The following GPC6 variants were observed in gnomAD, a reference collection of about 807,000 sequenced individuals.
GPC6 encodes glypican-6.
GPC6 carries 14 observed loss-of-function variants against 55.2 expected under a neutral mutation model. The observed-to-expected ratio is 0.25, with a 90% confidence interval of 0.17 to 0.40. GPC6 has a LOEUF of 0.40. Among genes scored for constraint, GPC6 ranks in the 10% least tolerant of loss-of-function variants. The pLI, the probability that GPC6 is intolerant of heterozygous loss-of-function variation, is 1.00. For missense variants in GPC6, 641 were observed against 708.5 expected, an observed-to-expected ratio of 0.90 and a Z score of 1.08; for synonymous variants, 278 against 259.6, an observed-to-expected ratio of 1.07 and a Z score of -0.68.
chr13:93,604,551 A>G (rs1268534120), intron 2 of GPC6, among the ~76,000 whole-genome samples: 1 of 152,176 alleles, frequency 6.6e-6, no homozygotes, highest in African/African-American at 2.4e-5. Context: ...ATGCAAATAT[A>G]CAGTGAGGTA....
chr13:93,247,612 T>C (rs187290702), intron 1 of GPC6, among the ~76,000 whole-genome samples: 6 of 152,296 alleles, frequency 3.9e-5, no homozygotes, highest in South Asian at 4.1e-4. Flanking sequence ...CCAATCTTTT[T>C]ATATGACCGC....
chr13:93,910,882 C>T (rs183293906), intron 3 of GPC6, among the ~76,000 whole-genome samples: 135 of 152,258 alleles, frequency 8.9e-4, no homozygotes, highest in African/African-American at 3.2e-3. Flanking sequence ...CTCAAAGGAA[C>T]CCCCATAGTA....
intron 1 of GPC6, among the ~76,000 whole-genome samples, chr13:93,390,942 C>G (rs1403303490): frequency 6.6e-6 from 1 of 151,882 alleles, no homozygotes; most frequent in African/African-American, 2.4e-5. Flanking sequence ...TTCTCTTGGT[C>G]TCCTCCTTGA....
At chr13:93,816,222 T>C (rs571650987) in intron 2 of GPC6, among the ~76,000 whole-genome samples, 1 of 152,228 alleles carries the variant, frequency 6.6e-6, no homozygotes, top group African/African-American at 2.4e-5. Context: ...AAATCCTTTC[T>C]CTGCCAAGAA....
At chr13:94,026,497 C>A (rs1882899730) in intron 3 of GPC6, among the ~76,000 whole-genome samples, 1 of 151,714 alleles carries the variant, frequency 6.6e-6, no homozygotes, top group African/African-American at 2.4e-5. Context: ...GCAAGTACAG[C>A]AATGTATAGT....
At chr13:94,188,498 T>C (rs1889274753) in intron 4 of GPC6, among the ~76,000 whole-genome samples, 1 of 152,196 alleles carries the variant, frequency 6.6e-6, no homozygotes, top group Non-Finnish European at 1.5e-5. Flanking sequence ...ATGTGAGTGG[T>C]CACTTCTTTG....
At chr13:94,300,005 A>G (rs1875558136) in intron 5 of GPC6, among the ~76,000 whole-genome samples, 1 of 152,160 alleles carries the variant, frequency 6.6e-6, no homozygotes, top group African/African-American at 2.4e-5. Flanking sequence ...AAAACATCAA[A>G]TCTAATTAAA....
chr13:94,126,064 G>A (rs540395817), intron 4 of GPC6, among the ~76,000 whole-genome samples: 8 of 152,028 alleles, frequency 5.3e-5, no homozygotes, highest in East Asian at 1.9e-4. Context: ...CAACCAAGGC[G>A]AGATTAAGAC....
intron 4 of GPC6, among the ~76,000 whole-genome samples, chr13:94,176,833 G>A (rs541449824): frequency 2.6e-5 from 4 of 152,126 alleles, no homozygotes; most frequent in African/African-American, 9.7e-5. Flanking sequence ...ATGCTTCTCC[G>A]GGGTGAAAGA....
Position 94,366,408 on chromosome 13 carries a change from A to G in GPC6, c.1153-16006A>G, listed in dbSNP as rs899747096. On this transcript the variant is annotated intron_variant, in intron 6 of 8. Coordinates refer to ENST00000377047, the MANE Select transcript of GPC6 (RefSeq NM_005708.5). ...AGCTATATCAGGAAATTGAGGAAATATGGGGGAAATTTGCCTTTCAAACCA... is the reference window on the plus strand; with the variant it reads ...AGCTATATCAGGAAATTGAGGAAATGTGGGGGAAATTTGCCTTTCAAACCA... Among the ~76,000 whole-genome samples, 7 of 152,200 alleles carry G rather than the reference A, an allele frequency of 4.6e-5. No homozygotes were observed. In the South Asian group the frequency reaches 1.4e-3, roughly 31 times the overall value.
chr13:93,440,326 C>G (rs977358034), intron 1 of GPC6, among the ~76,000 whole-genome samples: 5 of 152,188 alleles, frequency 3.3e-5, no homozygotes, highest in African/African-American at 1.2e-4. Flanking sequence ...CACTTGGTCA[C>G]TTGTGCAGAG....
intron 3 of GPC6, among the ~76,000 whole-genome samples, chr13:94,009,628 C>T (rs1882161965): frequency 1.3e-5 from 2 of 152,106 alleles, no homozygotes; most frequent in Admixed American, 6.6e-5. Flanking sequence ...CCTCTGTACA[C>T]GTCTCCCTAA....
At chr13:93,334,697 C>T (rs1031749935) in intron 1 of GPC6, among the ~76,000 whole-genome samples, 8 of 152,164 alleles carry the variant, frequency 5.3e-5, no homozygotes, top group African/African-American at 1.4e-4. Context: ...GAACCCCTGA[C>T]CTCAGGTGAT....
At chr13:93,519,455 C>T (rs1309411534) in intron 1 of GPC6, among the ~76,000 whole-genome samples, 2 of 151,990 alleles carry the variant, frequency 1.3e-5, no homozygotes, top group Non-Finnish European at 2.9e-5. Context: ...GATAGAAACA[C>T]TAAACAAAAT....
intron 3 of GPC6, among the ~76,000 whole-genome samples, chr13:93,948,886 A>T (rs1011621449): frequency 6.6e-6 from 1 of 152,130 alleles, no homozygotes; most frequent in African/African-American, 2.4e-5. Flanking sequence ...GTGATCTTTG[A>T]CAGATAAAAT....
In GPC6 at chr13:93,690,118, T is replaced by G. The variant is rs370079894; in HGVS notation, c.320-140036T>G. Among the ~76,000 whole-genome samples the G allele has an allele frequency of 4.9e-4, 75 of 152,258 alleles. 1 individual carries two copies. Among genetic ancestry groups the G allele is most frequent in the African/African-American group, 1.7e-3 (72 of 41,572 alleles). On this transcript the variant is annotated intron_variant, in intron 2 of 8. Coordinates refer to ENST00000377047, the MANE Select transcript of GPC6 (RefSeq NM_005708.5). ...GAATTAACCTTTTGGAAAACTTGCT[T>G]TTAACTCAATTTAGACAATATTCAC...
At chr13:93,305,414 G>A (rs1234639901) in intron 1 of GPC6, among the ~76,000 whole-genome samples, 1 of 152,148 alleles carries the variant, frequency 6.6e-6, no homozygotes, top group Non-Finnish European at 1.5e-5. Context: ...GTAAATAGGA[G>A]AACAGGATTG....
intron 4 of GPC6, among the ~76,000 whole-genome samples, chr13:94,188,675 A>G (rs899219305): frequency 6.6e-6 from 1 of 151,896 alleles, no homozygotes; most frequent in African/African-American, 2.4e-5. Flanking sequence ...TCCATCCCCC[A>G]CCCTCCAGCT....
chr13:93,737,407 C>G (rs146857134), intron 2 of GPC6, among the ~76,000 whole-genome samples: 8 of 152,058 alleles, frequency 5.3e-5, no homozygotes, highest in Admixed American at 5.2e-4. Flanking sequence ...AGATAGCCCC[C>G]GTTCTCAAAG....
Sources: gnomAD v4.1 joint callset for allele counts (sites outside exome capture counted in the v4.1 genomes callset) on GRCh38, gnomAD v4.1.1 for gene constraint, MANE v1.5 for transcripts, NCBI Gene and HGNC (gene_info 2026-07-23, HGNC 2026-07-21) for gene names.